The following PGM5 variants were observed in gnomAD, a reference collection of about 807,000 sequenced individuals.
PGM5 encodes the protein phosphoglucomutase 5.
PGM5 carries 23 observed loss-of-function variants against 59.2 expected under a neutral mutation model. The ratio of observed to expected loss-of-function variants is 0.39; its 90% CI spans 0.28 to 0.55. The LOEUF (loss-of-function observed/expected upper bound fraction) is 0.55, where lower values mean the gene tolerates loss of function less well. Ranked by LOEUF, PGM5 falls within the 20% of genes least tolerant of loss-of-function variation. The probability of loss-of-function intolerance (pLI) is 0.66; values close to 1 mark genes in which losing one functional copy is unlikely to be tolerated. For missense variants in PGM5, 574 were observed against 748.3 expected (o/e 0.77, Z 2.72); for synonymous variants, 214 against 286.0 (o/e 0.75, Z 2.54).
intron 8 of PGM5, among the ~76,000 whole-genome samples, chr9:68,481,476 A>T (rs1554687136): frequency 1.3e-5 from 2 of 152,224 alleles, no homozygotes. Flanking sequence ...TAATTGGCAC[A>T]TGACATTCTT....
At chr9:68,460,077 C>G (rs1250891007) in intron 6 of PGM5, among the ~76,000 whole-genome samples, 1 of 152,146 alleles carries the variant, frequency 6.6e-6, no homozygotes, top group Non-Finnish European at 1.5e-5. Flanking sequence ...GAAGAGAGAC[C>G]TGGATCTTGT....
At chr9:68,402,198 A>G (rs1262684151) in intron 6 of PGM5, among the ~76,000 whole-genome samples, 17 of 152,242 alleles carry the variant, frequency 1.1e-4, no homozygotes, top group Non-Finnish European at 2.2e-4. Flanking sequence ...TGGGAGGCAG[A>G]GCTTGCAGTG....
At chr9:68,473,727 T>G (rs1487962494) in intron 7 of PGM5, among the ~76,000 whole-genome samples, 1 of 152,174 alleles carries the variant, frequency 6.6e-6, no homozygotes, top group African/African-American at 2.4e-5. Flanking sequence ...TGTCCAGGAC[T>G]AAGAAGTTTC....
At chr9:68,443,191 A>G (rs1222523907) in intron 6 of PGM5, among the ~76,000 whole-genome samples, 1 of 152,268 alleles carries the variant, frequency 6.6e-6, no homozygotes, top group Non-Finnish European at 1.5e-5. Flanking sequence ...CTACTCAGCA[A>G]TTAAACAGAA....
At chr9:68,473,634 C>A (rs1824056723) in intron 7 of PGM5, among the ~76,000 whole-genome samples, 1 of 152,154 alleles carries the variant, frequency 6.6e-6, no homozygotes, top group African/African-American at 2.4e-5. Flanking sequence ...GGAATTTATC[C>A]TCCTTGTGAT....
At chr9:68,389,234 A>G (rs1459394279) in intron 4 of PGM5, among the ~76,000 whole-genome samples, 1 of 152,028 alleles carries the variant, frequency 6.6e-6, no homozygotes, top group African/African-American at 2.4e-5. Context: ...TATCTTTTTA[A>G]ACTTAGGTTT....
At chr9:68,481,824 A>G (rs1184769928) in intron 8 of PGM5, among the ~76,000 whole-genome samples, 1 of 152,228 alleles carries the variant, frequency 6.6e-6, no homozygotes, top group Non-Finnish European at 1.5e-5. Context: ...AGAAAAAGGG[A>G]GGAGAAAATA....
chr9:68,447,751 A>C (rs1823636275), intron 6 of PGM5, among the ~76,000 whole-genome samples: 4 of 152,192 alleles, frequency 2.6e-5, no homozygotes, highest in Admixed American at 2.6e-4. Flanking sequence ...AGAAATACCC[A>C]TAGAGGTCCC....
chr9:68,447,819 C>A (rs1050289220), intron 6 of PGM5, among the ~76,000 whole-genome samples: 1 of 152,150 alleles, frequency 6.6e-6, no homozygotes, highest in African/African-American at 2.4e-5. Flanking sequence ...TTGGACAGGA[C>A]AGGGCCTGAC....
At position 68,509,679 on chromosome 9, in the gene PGM5, A is replaced by G. The variant is rs143346833; in HGVS notation, c.1614+10318A>G. Among the ~76,000 whole-genome samples, 21 of 136,918 alleles carry G rather than the reference A, an allele frequency of 1.5e-4. No individual in the cohort carries two copies. The South Asian group carries it at 2.4e-3, about 15-fold the overall frequency. The allele number at this position is 136,918 out of a possible 152,430, so 89.8% of individuals were successfully genotyped here. On this transcript the variant is annotated intron_variant, in intron 10 of 10. Transcript: ENST00000396396. ...AAATGTGGGTGAAGCCTTTTTGGAGATTCTCTGGGAAAGGTAAGGTAAAGC... is the reference window on the plus strand; with the variant it reads ...AAATGTGGGTGAAGCCTTTTTGGAGGTTCTCTGGGAAAGGTAAGGTAAAGC...
chr9:68,448,085 G>A (rs1385680635), intron 6 of PGM5, among the ~76,000 whole-genome samples: 1 of 152,184 alleles, frequency 6.6e-6, no homozygotes, highest in Non-Finnish European at 1.5e-5. Flanking sequence ...GCTTTGAGGG[G>A]AGGAGGGGCT....
chr9:68,514,757 A>G (rs1824800702), intron 10 of PGM5, among the ~76,000 whole-genome samples: 1 of 152,230 alleles, frequency 6.6e-6, no homozygotes, highest in South Asian at 2.1e-4. Context: ...CTAATGCCAA[A>G]CTAAATAGGA....
At chr9:68,395,030 C>T (rs541721973) in intron 6 of PGM5, among the ~76,000 whole-genome samples, 43 of 152,174 alleles carry the variant, frequency 2.8e-4, no homozygotes, top group Non-Finnish European at 5.4e-4. Context: ...TTATATATGT[C>T]TTTGTCAACT....
chr9:68,529,963 C>A lies in PGM5; in HGVS notation c.*307C>A. On this transcript the variant is annotated 3_prime_UTR_variant, in exon 11 of 11. Coordinates refer to ENST00000396396, the MANE Select transcript of PGM5 (RefSeq NM_021965.4). ...AACTGGGCTAGGCAGCTGTTAATCA[C>A]AACATTTGTGCATCACTTGTGCCAA... 1 of 240,086 alleles carries A rather than the reference C, an allele frequency of 4.2e-6. No individual in the cohort carries two copies. The highest frequency in any genetic ancestry group is 6.1e-5 in the South Asian group (1 of 16,460). The allele number at this position is 240,086 out of a possible 1,614,324, so 14.9% of individuals were successfully genotyped here.
intron 6 of PGM5, among the ~76,000 whole-genome samples, chr9:68,435,823 A>G (rs1823434021): frequency 6.6e-6 from 1 of 152,000 alleles, no homozygotes. Context: ...ATATTTTTGG[A>G]TGTCTCATTT....
intron 6 of PGM5, among the ~76,000 whole-genome samples, chr9:68,435,703 T>C (rs1823432565): frequency 1.3e-5 from 2 of 152,264 alleles, no homozygotes; most frequent in South Asian, 4.1e-4. Flanking sequence ...ATTTTTTGTC[T>C]ATTATGAATA....
chr9:68,430,257 A>T (rs1823320601), intron 6 of PGM5, among the ~76,000 whole-genome samples: 1 of 152,114 alleles, frequency 6.6e-6, no homozygotes, highest in African/African-American at 2.4e-5. Context: ...GCGTAGAGTG[A>T]TTGTTTCTGT....
intron 9 of PGM5, among the ~76,000 whole-genome samples, chr9:68,489,057 C>G (rs1824344005): frequency 6.6e-6 from 1 of 152,170 alleles, no homozygotes; most frequent in Non-Finnish European, 1.5e-5. Flanking sequence ...TTCCATCCAT[C>G]ATGCTAGGTG....
chr9:68,430,829 G>T (rs1554682953), intron 6 of PGM5, among the ~76,000 whole-genome samples: 1 of 152,184 alleles, frequency 6.6e-6, no homozygotes, highest in Non-Finnish European at 1.5e-5. Context: ...CTAGTTAGAA[G>T]TTTATTTTGT....
Sources: allele counts gnomAD v4.1 joint callset (sites outside exome capture counted in the v4.1 genomes callset), GRCh38; gene constraint gnomAD v4.1.1; transcripts MANE v1.5; gene names NCBI Gene and HGNC (gene_info 2026-07-23, HGNC 2026-07-21).